PRKCA: variants seen among roughly 807,000 people sequenced by gnomAD.
PRKCA encodes protein kinase C alpha.
In PRKCA, 27 loss-of-function variants were observed where a neutral mutation model predicts 87.0. The observed-to-expected ratio is 0.31, with a 90% confidence interval of 0.23 to 0.43. The LOEUF (loss-of-function observed/expected upper bound fraction) is 0.43. Among genes scored for constraint, PRKCA ranks in the 20% least tolerant of loss-of-function variants. The pLI, the probability that PRKCA is intolerant of heterozygous loss-of-function variation, is 1.00. For synonymous variants in PRKCA, 329 were observed against 311.1 expected, an observed-to-expected ratio of 1.06 and a Z score of -0.61; for missense variants, 518 against 852.3, an observed-to-expected ratio of 0.61 and a Z score of 4.88.
intron 8 of PRKCA, among the ~76,000 whole-genome samples, chr17:66,721,886 T>C (rs1354523834): frequency 6.6e-6 from 1 of 152,114 alleles, no homozygotes; most frequent in East Asian, 1.9e-4. Context: ...CTCAGCCTCA[T>C]TTTACCCAGC....
chr17:66,561,489 G>A (rs748627020), intron 3 of PRKCA, among the ~76,000 whole-genome samples: 11 of 152,240 alleles, frequency 7.2e-5, no homozygotes, highest in South Asian at 2.1e-4. Flanking sequence ...GTCATTCAGC[G>A]TGTGTCATGT....
At chr17:66,562,530 T>A (rs570802057) in intron 3 of PRKCA, among the ~76,000 whole-genome samples, 1 of 152,122 alleles carries the variant, frequency 6.6e-6, no homozygotes, top group African/African-American at 2.4e-5. Context: ...TGGTCCATCC[T>A]ACCAGCTGGG....
chr17:66,437,733 A>AGTGG (rs1567828446), intron 2 of PRKCA, among the ~76,000 whole-genome samples: 1 of 3,782 alleles, frequency 2.6e-4, no homozygotes, highest in Non-Finnish European at 4.6e-4. Flanking sequence ...TTTTTTTTTG[A>AGTGG]GCGGGGGGTG....
In PRKCA at chr17:66,735,920, C is replaced by CTTT. The variant is rs5821508; in HGVS notation, c.1230+274_1230+276dup. On this transcript the variant is annotated intron_variant, in intron 10 of 16. Coordinates refer to ENST00000413366, the MANE Select transcript of PRKCA (RefSeq NM_002737.3). The stretch of plus-strand genomic sequence containing the variant: ...TCTTTTTCTTTTTCTTTCTTTCTTT[C>CTTT]TTTTTTTTTTTTTTTTTTGAGACAG... Among the ~76,000 whole-genome samples the CTTT allele has an allele frequency of 1.6e-3, 197 of 122,086 alleles. 2 individuals carry two copies. Among genetic ancestry groups the CTTT allele is most frequent in the South Asian group, 8.9e-3 (33 of 3,690 alleles). 80.1% of individuals were successfully genotyped at this position (122,086 alleles called of 152,430 possible).
At chr17:66,779,325 T>C (rs1975145637) in intron 14 of PRKCA, among the ~76,000 whole-genome samples, 1 of 152,080 alleles carries the variant, frequency 6.6e-6, no homozygotes, top group African/African-American at 2.4e-5. Context: ...CTTTATTCAG[T>C]TCCTGGACTG....
At chr17:66,506,242 G>A (rs1362258244) in intron 3 of PRKCA, among the ~76,000 whole-genome samples, 2 of 151,822 alleles carry the variant, frequency 1.3e-5, no homozygotes, top group Non-Finnish European at 2.9e-5. Context: ...GTTGCAGTGA[G>A]CCGACATCGT....
chr17:66,802,024 C>T (rs1489001450), intron 16 of PRKCA, among the ~76,000 whole-genome samples: 1 of 152,112 alleles, frequency 6.6e-6, no homozygotes, highest in Non-Finnish European at 1.5e-5. Context: ...AGTTCGAGAC[C>T]AGCCTGAGCA....
At chr17:66,694,030 A>G (rs552047040) in intron 8 of PRKCA, among the ~76,000 whole-genome samples, 2 of 152,274 alleles carry the variant, frequency 1.3e-5, no homozygotes, top group South Asian at 2.1e-4. Flanking sequence ...CTGTTTTTCT[A>G]TTAGTTATAA....
At chr17:66,778,169 G>C in intron 14 of PRKCA, 1 of 985,378 alleles carries the variant, frequency 1.0e-6, no homozygotes, top group Non-Finnish European at 1.2e-6. Context: ...GCTTCTCAGA[G>C]CCACTTAGCC....
chr17:66,474,446 C>T (rs1465728053), intron 2 of PRKCA, among the ~76,000 whole-genome samples: 1 of 152,168 alleles, frequency 6.6e-6, no homozygotes, highest in East Asian at 1.9e-4. Flanking sequence ...TATTGTTATG[C>T]AAATTGGAAA....
chr17:66,607,301 A>G (rs1308639051), intron 3 of PRKCA, among the ~76,000 whole-genome samples: 7 of 152,090 alleles, frequency 4.6e-5, no homozygotes, highest in Admixed American at 2.0e-4. Context: ...TTCTTTCCCA[A>G]TTTACATAGT....
At chr17:66,435,291 C>T (rs754393151) in intron 2 of PRKCA, among the ~76,000 whole-genome samples, 1 of 152,208 alleles carries the variant, frequency 6.6e-6, no homozygotes. Context: ...CCTTGCTAGA[C>T]CAACTAACTA....
At chr17:66,527,342 A>G (rs1044692643) in intron 3 of PRKCA, among the ~76,000 whole-genome samples, 8 of 152,182 alleles carry the variant, frequency 5.3e-5, no homozygotes, top group African/African-American at 1.9e-4. Context: ...CTGATGACCA[A>G]TGCAATTTGC....
intron 2 of PRKCA, among the ~76,000 whole-genome samples, chr17:66,320,577 A>G (rs1905599075): frequency 6.6e-6 from 1 of 152,156 alleles, no homozygotes; most frequent in Non-Finnish European, 1.5e-5. Flanking sequence ...AACATAAAGA[A>G]CTCGTATTAA....
chr17:66,397,327 C>G (rs1287240325), intron 2 of PRKCA, among the ~76,000 whole-genome samples: 2 of 143,526 alleles, frequency 1.4e-5, no homozygotes, highest in African/African-American at 2.5e-5. Flanking sequence ...CCAAGTTACC[C>G]TCTAAAAACC....
chr17:66,608,875 T>C (rs2143626863), intron 3 of PRKCA, among the ~76,000 whole-genome samples: 1 of 152,326 alleles, frequency 6.6e-6, no homozygotes. Flanking sequence ...TTTTCCATAA[T>C]GAAAAGACTT....
At chr17:66,550,748 A>G (rs1968300812) in intron 3 of PRKCA, among the ~76,000 whole-genome samples, 1 of 152,214 alleles carries the variant, frequency 6.6e-6, no homozygotes, top group Admixed American at 6.5e-5. Flanking sequence ...GCTTCCTGCC[A>G]GCATTAAATG....
At chr17:66,386,794 G>A (rs1910085656) in intron 2 of PRKCA, among the ~76,000 whole-genome samples, 1 of 143,416 alleles carries the variant, frequency 7.0e-6, no homozygotes. Flanking sequence ...ACCTCTAAAA[G>A]CCTTTTTTTT....
chr17:66,610,085 G>A (rs192370814), intron 3 of PRKCA, among the ~76,000 whole-genome samples: 54 of 152,294 alleles, frequency 3.5e-4, no homozygotes, highest in African/African-American at 1.2e-3. Flanking sequence ...CTACTCATAA[G>A]TACAGGTTAC....
Sources: allele counts gnomAD v4.1 joint callset (sites outside exome capture counted in the v4.1 genomes callset), GRCh38; gene constraint gnomAD v4.1.1; transcripts MANE v1.5; gene names NCBI Gene and HGNC (gene_info 2026-07-23, HGNC 2026-07-21).